SEPTIN6: variants seen among roughly 807,000 people sequenced by gnomAD.
The protein encoded by SEPTIN6 is septin 6.
A neutral mutation model predicts 33.6 loss-of-function variants in SEPTIN6; 8 were observed. The ratio of observed to expected loss-of-function variants is 0.24; its 90% confidence interval spans 0.14 to 0.43. The LOEUF (loss-of-function observed/expected upper bound fraction) is 0.43. Among genes scored for constraint, SEPTIN6 ranks in the 20% least tolerant of loss-of-function variants. The probability of loss-of-function intolerance (pLI) is 1.00; values close to 1 mark genes in which losing one functional copy is unlikely to be tolerated. For synonymous variants in SEPTIN6, 131 were observed against 140.0 expected, an observed-to-expected ratio of 0.94 and a Z score of 0.45; for missense variants, 250 against 340.8, an observed-to-expected ratio of 0.73 and a Z score of 2.10.
Position 119,673,014 on chromosome X carries a change from A to G in SEPTIN6, c.145+2540T>C, listed in dbSNP as rs750185812. Among the ~76,000 whole-genome samples, 3 of 112,184 alleles carry G rather than the reference A, an allele frequency of 2.7e-5. No individual in the cohort carries two copies. The East Asian group carries it at 8.3e-4, about 31-fold the overall frequency. On this transcript the variant is annotated intron_variant, in intron 2 of 10. Transcript: ENST00000394610. Reference sequence around the variant, plus strand: ...TGCATAGTAGAAGTCACATCTTAAAAATAAGTTTGAGTATAAATCTGTGGA... The same window carrying G: ...TGCATAGTAGAAGTCACATCTTAAAGATAAGTTTGAGTATAAATCTGTGGA...
intron 5 of SEPTIN6, among the ~76,000 whole-genome samples, chrX:119,645,339 A>G (rs2054236069): frequency 9.4e-6 from 1 of 105,876 alleles, no homozygotes; most frequent in African/African-American, 3.5e-5. Context: ...CCCGGGTTCA[A>G]GTGATCCTCC....
chrX:119,618,708 G>A lies in SEPTIN6; in HGVS notation c.*1385C>T. ...CAAAGGAAAGCTGTCAGTTAAAATA[G>A]GAACCTCGGCTTAAAAGGCTAAATG... On this transcript the variant is annotated 3_prime_UTR_variant, in exon 11 of 11. Transcript: ENST00000394610. 8.3e-7 allele frequency: 1 copy of A among 1,201,310 alleles called. No individual in the cohort carries two copies. Among genetic ancestry groups the A allele is most frequent in the Middle Eastern group, 2.3e-4 (1 of 4,318 alleles).
chrX:119,663,347 G>T, intron 3 of SEPTIN6, 135 bp downstream of exon 3: 1 of 509,928 alleles, frequency 2.0e-6, no homozygotes, highest in Non-Finnish European at 3.2e-6. Flanking sequence ...GGAGGTACCT[G>T]CTGCTGCCCA....
intron 8 of SEPTIN6, among the ~76,000 whole-genome samples, chrX:119,631,646 G>A (rs1450130994): frequency 5.5e-5 from 6 of 109,378 alleles, no homozygotes; most frequent in Non-Finnish European, 5.7e-5. Flanking sequence ...ACTCTGTCAC[G>A]CAGGCTGGAA....
Position 119,652,006 on chromosome X carries a change from C to T in SEPTIN6, c.528+848G>A, listed in dbSNP as rs746546317. On this transcript the variant is annotated intron_variant, in intron 4 of 10. Transcript: ENST00000394610. ...GTGGAATGATTCCAGCTCACTGCAACCTCCGCTTCCAGGTTCAAGCGATTC... is the reference window on the plus strand; with the variant it reads ...GTGGAATGATTCCAGCTCACTGCAATCTCCGCTTCCAGGTTCAAGCGATTC... Among the ~76,000 whole-genome samples, 6 of 112,298 alleles carry T rather than the reference C, an allele frequency of 5.3e-5. No homozygotes were observed. In the South Asian group the frequency reaches 2.2e-3, roughly 42 times the overall value.
At position 119,633,363 on chromosome X, in the gene SEPTIN6, T is replaced by C; in HGVS notation, c.1086A>G (p.Lys362=). The stretch of plus-strand genomic sequence containing the variant: ...TAATCACCAGGCTCACATTTACCTC[T>C]TTCTCTGCCTCTTTGAGCTCCGCTT... ...EKEAELKEAE[K]ELHEKFDRLK... The change falls in exon 8 of 11, where the codon AAA becomes AAG. Residue 362 remains lysine (K), a synonymous_variant. Transcript: ENST00000394610. The C allele has an allele frequency of 8.3e-7, 1 of 1,207,303 alleles. No homozygotes were observed. The highest frequency in any genetic ancestry group is 1.8e-5 in the South Asian group (1 of 56,353).
chrX:119,679,609 C>T lies in SEPTIN6; in HGVS notation c.31-3941G>A, dbSNP rs189092029. On this transcript the variant is annotated intron_variant, in intron 1 of 10. Transcript: ENST00000394610. ...GAGCAGTGGCTCACGCCTGTAATCC[C>T]AGCACTTTGGGAGGCTGAGGCAGGC... Among the ~76,000 whole-genome samples, 188 of 111,778 alleles carry T rather than the reference C, an allele frequency of 1.7e-3. 1 individual carries two copies. Among genetic ancestry groups the T allele is most frequent in the African/African-American group, 5.6e-3 (173 of 30,809 alleles).
At chrX:119,620,911 T>C (rs2053747629) in intron 10 of SEPTIN6, among the ~76,000 whole-genome samples, 1 of 110,879 alleles carries the variant, frequency 9.0e-6, no homozygotes, top group Non-Finnish European at 1.9e-5. Context: ...CGTGAGGCAC[T>C]GAGCCCGGCC....
intron 3 of SEPTIN6, among the ~76,000 whole-genome samples, chrX:119,658,113 C>G (rs111549706): frequency 0.027 from 3,068 of 111,862 alleles, 76 homozygotes; most frequent in East Asian, 0.15. Context: ...GGCAACAGTG[C>G]GAAAGTCCGT....
chrX:119,617,244 A>AT lies in SEPTIN6; in HGVS notation c.*2848dup, dbSNP rs533552227. ...CAGAAGTAAACAGAGTACTTAGGGT[A>AT]TTTTTTTTTTAAATAGTAACAGTTG... On this transcript the variant is annotated 3_prime_UTR_variant, in exon 11 of 11. Transcript: ENST00000394610. 33,441 of 773,222 alleles carry AT rather than the reference A, an allele frequency of 0.043. 606 individuals are homozygous for AT. Among genetic ancestry groups the AT allele is most frequent in the South Asian group, 0.088 (1,261 of 14,321 alleles). 63.7% of individuals were successfully genotyped at this position (773,222 alleles called of 1,213,427 possible).
intron 1 of SEPTIN6, among the ~76,000 whole-genome samples, chrX:119,678,841 A>G (rs1430293130): frequency 8.9e-6 from 1 of 111,750 alleles, no homozygotes; most frequent in Non-Finnish European, 1.9e-5. Context: ...CAACAAATTC[A>G]GCACCATGAA....
chrX:119,636,911 G>T, intron 7 of SEPTIN6, 116 bp downstream of exon 7: 2 of 890,797 alleles, frequency 2.2e-6, no homozygotes, highest in Non-Finnish European at 3.1e-6. Context: ...TGCTCCTTGA[G>T]GTCTTAGCAC....
Position 119,633,351 on chromosome X carries a change from C to T in SEPTIN6, c.1089+9G>A. On this transcript the variant is annotated intron_variant, in intron 8 of 10. Coordinates refer to ENST00000394610, the MANE Select transcript of SEPTIN6 (RefSeq NM_145799.4). The stretch of plus-strand genomic sequence containing the variant: ...TTGACATTTTAATAATCACCAGGCT[C>T]ACATTTACCTCTTTCTCTGCCTCTT... 2 of 1,200,229 alleles carry T rather than the reference C, an allele frequency of 1.7e-6. No individual in the cohort carries two copies. The highest frequency in any genetic ancestry group is 2.2e-6 in the Non-Finnish European group (2 of 889,949).
chrX:119,639,064 C>G (rs2054110861), intron 6 of SEPTIN6, among the ~76,000 whole-genome samples: 1 of 112,186 alleles, frequency 8.9e-6, no homozygotes, highest in Admixed American at 9.4e-5. Context: ...GCAAACGTTC[C>G]TAGTGGAGCA....
chrX:119,616,737 A>G, downstream of SEPTIN6: 1 of 1,194,504 alleles, frequency 8.4e-7, no homozygotes, highest in Non-Finnish European at 1.1e-6. Context: ...ACAAGATTAA[A>G]AAAAGCTGGA....
rs1438065034 is a variant in SEPTIN6 at position 119,618,017 on chromosome X, G to A, written c.*2076C>T. On this transcript the variant is annotated 3_prime_UTR_variant, in exon 11 of 11. Transcript: ENST00000394610. ...GCGGTGTGGGGAAGTGGTGGTTACC[G>A]GTTGGTTGTTTAAGCGTGAATTTCT... is the stretch of plus-strand genomic sequence containing the variant. 8.7e-6 allele frequency: 7 copies of A among 803,468 alleles called. No homozygotes were observed. The highest frequency in any genetic ancestry group is 2.2e-5 in the African/African-American group (1 of 45,367). 66.2% of individuals were successfully genotyped at this position (803,468 alleles called of 1,213,427 possible).
intron 3 of SEPTIN6, among the ~76,000 whole-genome samples, chrX:119,662,131 A>G (rs1235958015): frequency 1.9e-5 from 2 of 108,059 alleles, no homozygotes; most frequent in African/African-American, 6.8e-5. Flanking sequence ...TTGACTTAGC[A>G]TCCTGAGGTT....
At chrX:119,690,095 C>T (rs1370137679) in intron 1 of SEPTIN6, among the ~76,000 whole-genome samples, 1 of 111,427 alleles carries the variant, frequency 9.0e-6, no homozygotes, top group African/African-American at 3.3e-5. Flanking sequence ...AACCATAGTG[C>T]TGGCCACATA....
intron 10 of SEPTIN6, among the ~76,000 whole-genome samples, chrX:119,622,069 G>A (rs767754604): frequency 8.1e-5 from 9 of 110,781 alleles, no homozygotes; most frequent in Middle Eastern, 4.7e-3. Context: ...AAAACACTTT[G>A]GAAAGTAATA....
Sources: gnomAD v4.1 joint callset for allele counts (sites outside exome capture counted in the v4.1 genomes callset) on GRCh38, gnomAD v4.1.1 for gene constraint, MANE v1.5 for transcripts, NCBI Gene and HGNC (gene_info 2026-07-23, HGNC 2026-07-21) for gene names.